The following PTPRN2 variants were observed in gnomAD, a reference collection of about 807,000 sequenced individuals.
PTPRN2 encodes protein tyrosine phosphatase receptor type N2.
In PTPRN2, 74 loss-of-function variants were observed where a neutral mutation model predicts 118.8. The observed-to-expected ratio is 0.62, with a 90% CI of 0.52 to 0.76. PTPRN2 has a LOEUF of 0.76. PTPRN2 is among the 30% of genes least tolerant of loss of function. PTPRN2 has a pLI of 0.00. For synonymous variants in PTPRN2, 641 were observed against 608.0 expected, an observed-to-expected ratio of 1.05 and a Z score of -0.80; for missense variants, 1,481 against 1,394.4, an observed-to-expected ratio of 1.06 and a Z score of -0.99.
At chr7:158,163,945 C>T (rs1441612705) in intron 6 of PTPRN2, among the ~76,000 whole-genome samples, 1 of 151,948 alleles carries the variant, frequency 6.6e-6, no homozygotes, top group Admixed American at 6.6e-5. Flanking sequence ...ATTCTCTCTG[C>T]GTATTTCCTA....
intron 4 of PTPRN2, among the ~76,000 whole-genome samples, chr7:158,203,008 C>A (rs193156616): frequency 1.3e-5 from 2 of 151,764 alleles, no homozygotes; most frequent in Non-Finnish European, 2.9e-5. Context: ...CCAAGGTGGG[C>A]GGATCATGAG....
Position 157,611,583 on chromosome 7 carries a change from A to G in PTPRN2, c.2345-7508T>C, listed in dbSNP as rs1199418622. On this transcript the variant is annotated intron_variant, in intron 15 of 22. Coordinates refer to ENST00000389418, the MANE Select transcript of PTPRN2 (RefSeq NM_002847.5). This position sits in a 1 kb window ranked among gnomAD's most constrained non-coding sequence, Gnocchi z 5.9. ...TGGGAACATGACCTTATTTGGAAAT[A>G]GGGTCTTTACAGAGGTAAGCGAGCG... is the stretch of plus-strand genomic sequence containing the variant. Among the ~76,000 whole-genome samples the G allele has an allele frequency of 6.6e-6, 1 of 152,156 alleles. No homozygotes were observed. Among genetic ancestry groups the G allele is most frequent in the Non-Finnish European group, 1.5e-5 (1 of 68,026 alleles).
At chr7:158,528,250 C>T (rs1185009043) in intron 1 of PTPRN2, among the ~76,000 whole-genome samples, 2 of 152,146 alleles carry the variant, frequency 1.3e-5, no homozygotes, top group South Asian at 2.1e-4. Flanking sequence ...TGGGGGTACC[C>T]GTGCTTGGGT....
At chr7:157,776,132 T>A (rs1425469441) in intron 12 of PTPRN2, among the ~76,000 whole-genome samples, 3 of 131,866 alleles carry the variant, frequency 2.3e-5, no homozygotes, top group Non-Finnish European at 4.8e-5. Flanking sequence ...ACCTCCTCCC[T>A]CTCCTCCTCC....
intron 11 of PTPRN2, among the ~76,000 whole-genome samples, chr7:158,073,057 C>T (rs909690216): frequency 4.6e-5 from 7 of 152,142 alleles, no homozygotes; most frequent in Non-Finnish European, 2.9e-5. Flanking sequence ...GGCAGTGGCT[C>T]GGCTGTAGCT....
intron 10 of PTPRN2, among the ~76,000 whole-genome samples, chr7:158,090,584 G>T (rs1464103940): frequency 6.6e-6 from 1 of 152,022 alleles, no homozygotes; most frequent in Non-Finnish European, 1.5e-5. Context: ...TCTTTTGATG[G>T]TCATAAAACA....
intron 2 of PTPRN2, among the ~76,000 whole-genome samples, chr7:158,428,464 C>A (rs1045142054): frequency 1.3e-5 from 2 of 152,194 alleles, no homozygotes; most frequent in African/African-American, 2.4e-5. Flanking sequence ...ACCCACCGAT[C>A]TGAGGAAACG....
chr7:157,723,095 A>C lies in PTPRN2; in HGVS notation c.1789-40158T>G, dbSNP rs1400799657. Among the ~76,000 whole-genome samples the C allele has an allele frequency of 2.6e-5, 4 of 152,228 alleles. No homozygotes were observed. The East Asian group carries it at 7.7e-4, about 29-fold the overall frequency. ...AGATTTGTTGGAAGCACAAAATTGA[A>C]TTAAGTCACATTCAGAAATTCTCCT... On this transcript the variant is annotated intron_variant, in intron 12 of 22. Transcript: ENST00000389418.
intron 2 of PTPRN2, among the ~76,000 whole-genome samples, chr7:158,484,069 AG>A (rs926032587): frequency 6.6e-6 from 1 of 152,228 alleles, no homozygotes; most frequent in African/African-American, 2.4e-5. Context: ...ACTTGAGACT[AG>A]GAGTTCAAGG....
chr7:158,340,960 G>A (rs1398665674), intron 2 of PTPRN2, among the ~76,000 whole-genome samples: 4 of 74,766 alleles, frequency 5.4e-5, no homozygotes, highest in Admixed American at 1.5e-4. Context: ...AAGAGCTGAC[G>A]CCCGCAGATG....
chr7:158,205,155 C>T lies in PTPRN2; in HGVS notation c.380+16G>A, dbSNP rs1436186933. ...TGTCCTGGGAGCAAGGAGCAACAAG[C>T]CACGTCCACACTTACCTGGCTGGGC... On this transcript the variant is annotated intron_variant, in intron 4 of 22. Coordinates refer to ENST00000389418, the MANE Select transcript of PTPRN2 (RefSeq NM_002847.5). 5.0e-6 allele frequency: 8 copies of T among 1,599,154 alleles called. No individual in the cohort carries two copies. The highest frequency in any genetic ancestry group is 6.9e-6 in the Non-Finnish European group (8 of 1,166,474).
chr7:158,501,203 G>A (rs1822332766), intron 1 of PTPRN2, among the ~76,000 whole-genome samples: 2 of 152,244 alleles, frequency 1.3e-5, no homozygotes, highest in Admixed American at 1.3e-4. Flanking sequence ...CCGCAGAGGG[G>A]AAATCATCAC....
chr7:158,369,598 A>T (rs550017296), intron 2 of PTPRN2, among the ~76,000 whole-genome samples: 33 of 152,298 alleles, frequency 2.2e-4, no homozygotes, highest in African/African-American at 7.7e-4. Flanking sequence ...CAATCTGTTT[A>T]TTGGTAAATA....
At chr7:158,519,150 C>T (rs562260416) in intron 1 of PTPRN2, among the ~76,000 whole-genome samples, 4 of 152,292 alleles carry the variant, frequency 2.6e-5, no homozygotes, top group South Asian at 4.1e-4. Flanking sequence ...CAGGCGTCGT[C>T]ACTGTTTCCA....
chr7:157,585,148 GA>G lies in PTPRN2; in HGVS notation c.2497-7009del, dbSNP rs755473015. Among the ~76,000 whole-genome samples, 1 of 152,224 alleles carries G rather than the reference GA, an allele frequency of 6.6e-6. No individual in the cohort carries two copies. Among genetic ancestry groups the G allele is most frequent in the South Asian group, 2.1e-4 (1 of 4,808 alleles). On this transcript the variant is annotated intron_variant, in intron 17 of 22. Coordinates refer to ENST00000389418, the MANE Select transcript of PTPRN2 (RefSeq NM_002847.5). This position sits in a 1 kb window ranked among gnomAD's most constrained non-coding sequence, Gnocchi z 5.2. The stretch of plus-strand genomic sequence containing the variant: ...CAGCAGTGCTGATGGAAAGGCTGAT[GA>G]GGGGGCAGCGGGAGGAACCCCCCTG...
At chr7:157,994,473 G>A (rs1284122251) in intron 11 of PTPRN2, among the ~76,000 whole-genome samples, 6 of 140,890 alleles carry the variant, frequency 4.3e-5, no homozygotes, top group African/African-American at 1.3e-4. Context: ...TAGAGCGAGC[G>A]CCTTCCACTT....
rs1170390613 is a variant in PTPRN2, at chr7:157,656,482, T to A, written c.2071A>T (p.Ser691Cys). 2 of 1,555,112 alleles carry A rather than the reference T, an allele frequency of 1.3e-6. No individual in the cohort carries two copies. Among genetic ancestry groups the A allele is most frequent in the African/African-American group, 2.7e-5 (2 of 73,440 alleles). ...TCGCTGAACTGGGATGAGACGCTGC[T>A]GATGCGTGACGTGTGCGGGCCCTCA... is the stretch of plus-strand genomic sequence containing the variant. Reference protein sequence around the residue: ...RPEGPHTSRISSVSSQFSDGP... With the variant: ...RPEGPHTSRICSVSSQFSDGP... Residue 691 changes from serine (S) to cysteine (C), a missense_variant, in exon 14 of 23, where the codon AGC (serine) becomes TGC (cysteine). Ser to Cys is a moderately radical substitution (Grantham distance 112). Coordinates refer to ENST00000389418, the MANE Select transcript of PTPRN2 (RefSeq NM_002847.5).
intron 11 of PTPRN2, among the ~76,000 whole-genome samples, chr7:157,928,561 G>A (rs903521660): frequency 3.3e-5 from 5 of 151,960 alleles, no homozygotes; most frequent in African/African-American, 4.8e-5. Flanking sequence ...AAGAGATTGC[G>A]AAGCCACCCA....
chr7:157,707,670 G>A lies in PTPRN2; in HGVS notation c.1789-24733C>T, dbSNP rs149458290. On this transcript the variant is annotated intron_variant, in intron 12 of 22. Coordinates refer to ENST00000389418, the MANE Select transcript of PTPRN2 (RefSeq NM_002847.5). ...ACGATCTCTGCTCACTGCAACCTCCGCCTCCTGGGTTCAAGTGATTCTCCT... is the reference window on the plus strand; with the variant it reads ...ACGATCTCTGCTCACTGCAACCTCCACCTCCTGGGTTCAAGTGATTCTCCT... Among the ~76,000 whole-genome samples, 1,185 of 151,718 alleles carry A rather than the reference G, an allele frequency of 7.8e-3. 9 individuals are homozygous for A. Among genetic ancestry groups the A allele is most frequent in the South Asian group, 0.032 (155 of 4,796 alleles).
Sources: allele counts gnomAD v4.1 joint callset (sites outside exome capture counted in the v4.1 genomes callset), GRCh38; gene constraint gnomAD v4.1.1; non-coding constraint Gnocchi (gnomAD v3.1); transcripts MANE v1.5; gene names NCBI Gene and HGNC (gene_info 2026-07-23, HGNC 2026-07-21).